Variants in RNF212 observed in about 807,000 individuals in gnomAD.
The protein encoded by RNF212 is ring finger protein 212.
RNF212 carries 33 observed loss-of-function variants against 34.7 expected under a neutral mutation model. That is an observed-to-expected ratio of 0.95 (90% CI 0.72 to 1.27). The LOEUF is 1.27. Among genes scored for constraint, RNF212 ranks in the 50% most tolerant of loss-of-function variants. RNF212 has a pLI of 0.00. For missense variants in RNF212, 377 were observed against 362.2 expected, an observed-to-expected ratio of 1.04 and a Z score of -0.33; for synonymous variants, 140 against 136.1, an observed-to-expected ratio of 1.03 and a Z score of -0.20.
chr4:1,110,813 T>C (rs1725539328), intron 1 of RNF212, among the ~76,000 whole-genome samples: 1 of 152,174 alleles, frequency 6.6e-6, no homozygotes, highest in Non-Finnish European at 1.5e-5. Context: ...TCACCACTTT[T>C]TTGTGTGTCT....
intron 1 of RNF212, among the ~76,000 whole-genome samples, chr4:1,108,621 A>G (rs562722684): frequency 6.6e-6 from 1 of 152,252 alleles, no homozygotes; most frequent in Non-Finnish European, 1.5e-5. Flanking sequence ...GTACAAAAAC[A>G]GTGACCATAA....
chr4:1,093,754 G>T, intron 3 of RNF212: 1 of 1,536,278 alleles, frequency 6.5e-7, no homozygotes, highest in Non-Finnish European at 8.7e-7. Flanking sequence ...GGCCCCAAGG[G>T]GACTTGGTGT....
At position 1,108,361 on chromosome 4, in the gene RNF212, T is replaced by A. The variant is rs377123898; in HGVS notation, c.153A>T (p.Thr51=). The A allele has an allele frequency of 3.3e-6, 5 of 1,511,672 alleles. No homozygotes were observed. The African/African-American group carries it at 7.3e-5, about 22-fold the overall frequency. 93.6% of individuals were successfully genotyped at this position (1,511,672 alleles called of 1,614,324 possible). The change falls in exon 2 of 10, where the codon ACA becomes ACT. Residue 51 remains threonine, a synonymous_variant. Transcript: ENST00000433731. The stretch of plus-strand genomic sequence containing the variant: ...AACTTACATGCTTTGAAAGCAAAAC[T>A]GTACGACAAGGAGCTTTACAAATCA... ...ECLICKAPCR[T]VLLSKHTDAD... is the part of the protein sequence containing the mutation.
chr4:1,103,978 C>A (rs1413114024), intron 2 of RNF212, among the ~76,000 whole-genome samples: 4 of 152,226 alleles, frequency 2.6e-5, no homozygotes, highest in African/African-American at 9.6e-5. Context: ...AATGTTCTAG[C>A]AGAATCTACA....
intron 2 of RNF212, among the ~76,000 whole-genome samples, chr4:1,102,488 A>C (rs1335797169): frequency 1.3e-5 from 2 of 152,212 alleles, no homozygotes. Flanking sequence ...TGTGTTGTTC[A>C]AGAGTCCACA....
In RNF212 at chr4:1,073,976, G is replaced by A. The variant is rs560532747; in HGVS notation, c.511-314C>T. On this transcript the variant is annotated intron_variant, in intron 8 of 9. Coordinates refer to ENST00000433731, the MANE Select transcript of RNF212 (RefSeq NM_001131034.4). Reference sequence around the variant, plus strand: ...AAAAAAAACAAAATTTGCAGCTGATGTTAGAGAATGTGAAATTCTGAGTAA... The same window carrying A: ...AAAAAAAACAAAATTTGCAGCTGATATTAGAGAATGTGAAATTCTGAGTAA... Among the ~76,000 whole-genome samples the A allele has an allele frequency of 3.9e-5, 6 of 152,276 alleles. No homozygotes were observed. The East Asian group carries it at 1.2e-3, about 29-fold the overall frequency.
At chr4:1,056,468 A>C (rs1717336581) in exon 5 of RNF212, 1 of 980,792 alleles carries the variant, frequency 1.0e-6, no homozygotes, top group Non-Finnish European at 1.2e-6. Flanking sequence ...CGGTAAAAAC[A>C]CAACTTTGTC....
At chr4:1,066,371 C>T (rs6852968) in intron 3 of RNF212, among the ~76,000 whole-genome samples, 121,153 of 152,168 alleles carry the variant, frequency 0.8, 48,708 homozygotes, top group African/African-American at 0.89. Flanking sequence ...CACTGTCACC[C>T]AGGCTGGAGT....
intron 3 of RNF212, 57 bp downstream of exon 3, chr4:1,096,708 T>A: frequency 8.8e-7 from 1 of 1,142,308 alleles, no homozygotes; most frequent in South Asian, 1.3e-5. Flanking sequence ...AGCTCCATGG[T>A]CTCGGGATAG....
chr4:1,074,383 G>C (rs1473809186), intron 8 of RNF212, among the ~76,000 whole-genome samples: 2 of 152,104 alleles, frequency 1.3e-5, no homozygotes, highest in African/African-American at 4.8e-5. Flanking sequence ...TGGTCCTCAG[G>C]CTCTGCCGCC....
chr4:1,099,342 G>T (rs1445845738), intron 2 of RNF212, among the ~76,000 whole-genome samples: 1 of 152,220 alleles, frequency 6.6e-6, no homozygotes, highest in Non-Finnish European at 1.5e-5. Flanking sequence ...TTCCCTGTAG[G>T]TAAGAAAAAT....
In RNF212 at chr4:1,072,543, TTC is replaced by T; in HGVS notation, c.*329_*330del. 1 of 444,606 alleles carries T rather than the reference TTC, an allele frequency of 2.2e-6. No homozygotes were observed. 27.5% of individuals were successfully genotyped at this position (444,606 alleles called of 1,614,324 possible). On this transcript the variant is annotated 3_prime_UTR_variant, in exon 10 of 10. Transcript: ENST00000433731. Reference sequence around the variant, plus strand: ...GAAATCTGTACCTTCCTTTCAATTTTTCTGTGAACCTAAAACTGCTCTAAGAA... The same window carrying T: ...GAAATCTGTACCTTCCTTTCAATTTTTGTGAACCTAAAACTGCTCTAAGAA...
rs546179739 is a variant in RNF212 at position 1,079,341 on chromosome 4, G to A, written c.510+302C>T. On this transcript the variant is annotated intron_variant, in intron 8 of 9. Coordinates refer to ENST00000433731, the MANE Select transcript of RNF212 (RefSeq NM_001131034.4). ...CACAGGACCAACATGGGACCTGTACGGGAACAACACAGGAACAACACAGAA... is the reference window on the plus strand; with the variant it reads ...CACAGGACCAACATGGGACCTGTACAGGAACAACACAGGAACAACACAGAA... 2.2e-4 allele frequency among the ~76,000 whole-genome samples: 34 copies of A among 152,296 alleles called. 1 individual carries two copies. Among genetic ancestry groups the A allele is most frequent in the Admixed American group, 1.8e-3 (28 of 15,302 alleles).
chr4:1,086,083 G>A (rs940657854), intron 4 of RNF212, 129 bp from the exon 5 acceptor site: 1 of 715,860 alleles, frequency 1.4e-6, no homozygotes, highest in African/African-American at 1.7e-5. Context: ...CGCTGCTCAG[G>A]AGTAAATCTG....
chr4:1,110,816 G>A (rs1479969287), intron 1 of RNF212, among the ~76,000 whole-genome samples: 1 of 152,058 alleles, frequency 6.6e-6, no homozygotes, highest in Non-Finnish European at 1.5e-5. Context: ...CCACTTTTTT[G>A]TGTGTCTTTG....
chr4:1,099,886 G>T, intron 2 of RNF212: 1 of 456,228 alleles, frequency 2.2e-6, no homozygotes, highest in Non-Finnish European at 4.4e-6. Context: ...AGCTGTAAAG[G>T]CGTGCTGTTG....
chr4:1,098,718 C>T (rs1459452239), intron 2 of RNF212, among the ~76,000 whole-genome samples: 2 of 152,084 alleles, frequency 1.3e-5, no homozygotes, highest in African/African-American at 4.8e-5. Flanking sequence ...CCTCGGTCTC[C>T]CTACGTATAA....
chr4:1,079,911 G>A (rs750888993), intron 7 of RNF212, among the ~76,000 whole-genome samples: 4 of 152,246 alleles, frequency 2.6e-5, no homozygotes, highest in Admixed American at 6.5e-5. Context: ...CCAGGACAGA[G>A]GCCGCTGGCC....
At chr4:1,092,136 C>T (rs150335639) in intron 3 of RNF212, among the ~76,000 whole-genome samples, 6 of 152,352 alleles carry the variant, frequency 3.9e-5, no homozygotes, top group Non-Finnish European at 8.8e-5. Flanking sequence ...TGCAGGCAAG[C>T]GCCTCTGCTT....
Sources: gnomAD v4.1 joint callset for allele counts (sites outside exome capture counted in the v4.1 genomes callset) on GRCh38, gnomAD v4.1.1 for gene constraint, MANE v1.5 for transcripts, NCBI Gene and HGNC (gene_info 2026-07-23, HGNC 2026-07-21) for gene names.